DPP7: variants seen among roughly 807,000 people sequenced by gnomAD.
The protein encoded by DPP7 is dipeptidyl peptidase 7, also known as dipeptidyl peptidase 2.
Under a neutral mutation model 58.8 loss-of-function variants are expected in DPP7, and 74 were observed. That is an observed-to-expected ratio of 1.26 (90% CI 1.04 to 1.53). The LOEUF (loss-of-function observed/expected upper bound fraction) is 1.53. DPP7 is among the 40% of genes most tolerant of loss of function. The pLI is 0.00. For synonymous variants in DPP7, 350 were observed against 303.6 expected (o/e 1.15, Z -1.59); for missense variants, 807 against 692.3 (o/e 1.17, Z -1.86).
Position 137,110,608 on chromosome 9 carries a change from C to T in DPP7, c.*40G>A, listed in dbSNP as rs1831306892. 1 of 1,590,632 alleles carries T rather than the reference C, an allele frequency of 6.3e-7. No individual in the cohort carries two copies. Among genetic ancestry groups the T allele is most frequent in the Non-Finnish European group, 8.6e-7 (1 of 1,168,244 alleles). ...GCCGCCAGCTGCTTGAGTGAAGCCC[C>T]CACTCCATGAGGAGCCTTGAGACCC... On this transcript the variant is annotated 3_prime_UTR_variant, in exon 13 of 13. Coordinates refer to ENST00000371579, the MANE Select transcript of DPP7 (RefSeq NM_013379.3).
Position 137,113,092 on chromosome 9 carries a change from C to G in DPP7, c.731G>C (p.Gly244Ala). Residue 244 changes from glycine (G) to alanine (A), a missense_variant, in exon 7 of 13, where the codon GGC (glycine) becomes GCC (alanine). Physicochemically the swap from Gly to Ala is moderately conservative, Grantham distance 60. This residue lies in a region of DPP7 where 624 missense variants were observed against 531.2 expected (regional missense o/e 1.17). Coordinates refer to ENST00000371579, the MANE Select transcript of DPP7 (RefSeq NM_013379.3). ...CTCGTCTGACAGCGGCTGGCAGGTG[C>G]CGAACTCCCAGCGGACCGTGTCGTA... ...GAYDTVRWEF[G>A]TCQPLSDEKD... 6.2e-7 allele frequency: 1 copy of G among 1,613,732 alleles called. No homozygotes were observed. Among genetic ancestry groups the G allele is most frequent in the Admixed American group, 1.7e-5 (1 of 60,032 alleles).
intron 11 of DPP7, 38 bp from the exon 12 acceptor site, chr9:137,110,988 G>A (rs755501688): frequency 1.4e-5 from 22 of 1,600,950 alleles, no homozygotes; most frequent in Admixed American, 8.5e-5. Context: ...GGTGAGGAAC[G>A]AGGCAACTGC....
chr9:137,115,811 C>T (rs560611420), upstream of DPP7, among the ~76,000 whole-genome samples: 43 of 152,280 alleles, frequency 2.8e-4, no homozygotes, highest in Admixed American at 1.1e-3. Flanking sequence ...GTCCCCACCA[C>T]GGCCCTCACA....
upstream of DPP7, among the ~76,000 whole-genome samples, chr9:137,115,492 C>A (rs1318076102): frequency 6.6e-6 from 1 of 152,146 alleles, no homozygotes; most frequent in African/African-American, 2.4e-5. Flanking sequence ...TACGTGGAGT[C>A]CTGCTGGGGA....
rs201603015 is a variant in DPP7, at chr9:137,113,379, G to A, written c.603C>T (p.Phe201=). 2.4e-4 allele frequency: 385 copies of A among 1,610,772 alleles called. 1 individual carries two copies. The Admixed American group carries it at 6.3e-3, about 27-fold the overall frequency. ...AVAGLGDSNQ[F]FRDVTADFEG... is the part of the protein sequence containing the mutation. ...CACTCACCGCCGTGACGTCCCGGAA[G>A]AACTGGTTGGAGTCGCCGAGGCCTG... Residue 201 remains phenylalanine, a synonymous_variant, in exon 5 of 13, where the codon TTC becomes TTT. Coordinates refer to ENST00000371579, the MANE Select transcript of DPP7 (RefSeq NM_013379.3).
chr9:137,113,752 G>A, intron 4 of DPP7, 113 bp downstream of exon 4: 1 of 1,411,268 alleles, frequency 7.1e-7, no homozygotes, highest in Non-Finnish European at 9.2e-7. Flanking sequence ...ACCACTGCCT[G>A]AGGCCTTACG....
intron 11 of DPP7, among the ~76,000 whole-genome samples, chr9:137,111,187 AAGAC>A (rs935304926): frequency 7.5e-6 from 1 of 132,484 alleles, no homozygotes; most frequent in African/African-American, 2.9e-5. Context: ...CTCTGGGAGT[AAGAC>A]AGGAGCAGGG....
In DPP7 at chr9:137,114,388, G is replaced by A. The variant is rs761670273; in HGVS notation, c.182-6C>T. ...GCCCCGGACCCAGAACCTGTCTGTG[G>A]GGAGGGCGGATGAGGCGAGGGTGCC... On this transcript the variant is annotated splice_region_variant and splice_polypyrimidine_tract_variant and intron_variant, in intron 2 of 12. Coordinates refer to ENST00000371579, the MANE Select transcript of DPP7 (RefSeq NM_013379.3). The A allele has an allele frequency of 2.5e-6, 4 of 1,599,246 alleles. No homozygotes were observed. The highest frequency in any genetic ancestry group is 3.4e-5 in the Admixed American group (2 of 59,086).
intron 11 of DPP7, 60 bp from the exon 12 acceptor site, chr9:137,111,010 G>A: frequency 2.6e-6 from 4 of 1,542,406 alleles, no homozygotes; most frequent in South Asian, 2.3e-5. Context: ...CAGCCTCCGT[G>A]GGCCCATTGG....
At chr9:137,117,684 C>T (rs1400880450), upstream of DPP7, among the ~76,000 whole-genome samples, 2 of 152,208 alleles carry the variant, frequency 1.3e-5, no homozygotes, top group African/African-American at 4.8e-5. Context: ...AGGCTATCGG[C>T]GGGCGGCTGG....
Position 137,114,637 on chromosome 9 carries a change from C to G in DPP7, c.67+10G>C. 7.2e-7 allele frequency: 1 copy of G among 1,392,870 alleles called. No individual in the cohort carries two copies. The allele number at this position is 1,392,870 out of a possible 1,614,324, so 86.3% of individuals were successfully genotyped here. A position where few individuals can be genotyped will look rare whatever the true frequency, so the allele number is the denominator to read the frequency against. ...GACCGGGGAATGGGCCGGGGGGCGC[C>G]GCCACTCACCCCCCGCCTGGAGGCC... On this transcript the variant is annotated intron_variant, in intron 1 of 12. Coordinates refer to ENST00000371579, the MANE Select transcript of DPP7 (RefSeq NM_013379.3).
At chr9:137,115,627 G>A (rs1347928744), upstream of DPP7, among the ~76,000 whole-genome samples, 2 of 152,136 alleles carry the variant, frequency 1.3e-5, no homozygotes, top group South Asian at 2.1e-4. Context: ...TGCCCATCCT[G>A]TGTGGGGCTG....
chr9:137,112,264 C>T (rs776562847), intron 8 of DPP7, 34 bp from the exon 9 acceptor site: 5 of 1,546,816 alleles, frequency 3.2e-6, no homozygotes, highest in Non-Finnish European at 4.4e-6. Context: ...CCAGCGGCCA[C>T]ACACAGACAC....
intron 10 of DPP7, 41 bp downstream of exon 10, chr9:137,111,832 G>A: frequency 6.2e-7 from 1 of 1,612,584 alleles, no homozygotes; most frequent in South Asian, 1.1e-5. Context: ...CAGAGCTCGG[G>A]GCAGAAAGCA....
rs1181905889 is a variant in DPP7 at position 137,114,553 on chromosome 9, A to AG, written c.90dup (p.Phe31LeufsTer180). ...CGCTGCTGGAAGAAGCGCTCCTGGA[A>AG]GCCGGGGTCCGGGGCCCTGCGGGCT... On this transcript the variant is annotated frameshift_variant, in exon 2 of 13. Coordinates refer to ENST00000371579, the MANE Select transcript of DPP7 (RefSeq NM_013379.3). LOFTEE classifies it high-confidence loss of function. The AG allele has an allele frequency of 1.3e-6, 2 of 1,564,806 alleles. No homozygotes were observed. Among genetic ancestry groups the AG allele is most frequent in the Non-Finnish European group, 1.7e-6 (2 of 1,156,798 alleles).
In DPP7 at chr9:137,114,656, G is replaced by C. The variant is rs1831571902; in HGVS notation, c.58C>G (p.Gln20Glu). ...GGGCGCCGCCACTCACCCCCCGCCT[G>C]GAGGCCGCGCAGCCCGAGCGCCAGC... ...LLLALGLRGLQAGARRAPDPG... is the reference protein window; with the variant it reads ...LLLALGLRGLEAGARRAPDPG... Residue 20 changes from glutamine (Q) to glutamate (E), a missense_variant, in exon 1 of 13, where the codon CAG becomes GAG. Gln to Glu is a conservative substitution (Grantham distance 29). Transcript: ENST00000371579. 1.5e-6 allele frequency: 2 copies of C among 1,372,970 alleles called. No homozygotes were observed. The highest frequency in any genetic ancestry group is 1.9e-6 in the Non-Finnish European group (2 of 1,064,428). 85.0% of individuals were successfully genotyped at this position (1,372,970 alleles called of 1,614,324 possible).
In DPP7 at chr9:137,112,769, T is replaced by C; in HGVS notation, c.907A>G (p.Ile303Val). The change falls in exon 8 of 13, where the codon ATC becomes GTC. Residue 303 changes from isoleucine to valine, a missense_variant. Physicochemically the swap from Ile to Val is conservative, Grantham distance 29 (BLOSUM62 3). Coordinates refer to ENST00000371579, the MANE Select transcript of DPP7 (RefSeq NM_013379.3). Reference sequence around the variant, plus strand: ...CCTGCCAGTGCTCGCAGCCCCGTGATCCTCTGGGCCTCACTCAGCAGCCGA... The same window carrying C: ...CCTGCCAGTGCTCGCAGCCCCGTGACCCTCTGGGCCTCACTCAGCAGCCGA... Reference protein sequence around the residue: ...CDRLLSEAQRITGLRALAGLV... With the variant: ...CDRLLSEAQRVTGLRALAGLV... 6.2e-7 allele frequency: 1 copy of C among 1,608,924 alleles called. No individual in the cohort carries two copies. Among genetic ancestry groups the C allele is most frequent in the South Asian group, 1.1e-5 (1 of 90,674 alleles).
chr9:137,112,223 G>A lies in DPP7; in HGVS notation c.939C>T (p.Val313=). ...ITGLRALAGL[V]YNASGSEHCY... is the part of the protein sequence containing the mutation. The stretch of plus-strand genomic sequence containing the variant: ...AGTGCTCGGAGCCCGAGGCGTTGTA[G>A]ACCAGCCCTGGGGAGGAGAGGCGCT... The change falls in exon 9 of 13, where the codon GTC becomes GTT. Residue 313 remains valine (V), a synonymous_variant. Coordinates refer to ENST00000371579, the MANE Select transcript of DPP7 (RefSeq NM_013379.3). 3 of 1,599,068 alleles carry A rather than the reference G, an allele frequency of 1.9e-6. No individual in the cohort carries two copies. The highest frequency in any genetic ancestry group is 2.5e-6 in the Non-Finnish European group (3 of 1,178,880).
At chr9:137,112,675 A>G (rs770719144) in intron 8 of DPP7, 70 bp downstream of exon 8, 2 of 1,524,562 alleles carry the variant, frequency 1.3e-6, no homozygotes, top group African/African-American at 1.4e-5. Context: ...TCCTCGCCCC[A>G]CCCGGCCCCA....
Sources: allele counts gnomAD v4.1 joint callset (sites outside exome capture counted in the v4.1 genomes callset), GRCh38; gene constraint gnomAD v4.1.1; regional missense constraint gnomAD v4.1.1; transcripts MANE v1.5; gene names NCBI Gene and HGNC (gene_info 2026-07-23, HGNC 2026-07-21).